Variants in EXOC6B observed in about 807,000 individuals in gnomAD.
EXOC6B encodes the protein SEC15 homolog B.
In EXOC6B, 54 loss-of-function variants were observed where a neutral mutation model predicts 113.5. That is an observed-to-expected ratio of 0.48 (90% confidence interval 0.38 to 0.60). The LOEUF (loss-of-function observed/expected upper bound fraction) is 0.60, where lower values mean the gene tolerates loss of function less well. Among genes scored for constraint, EXOC6B ranks in the 20% least tolerant of loss-of-function variants. EXOC6B has a pLI of 0.00. For synonymous variants in EXOC6B, 357 were observed against 339.0 expected (o/e 1.05, Z -0.58); for missense variants, 797 against 977.5 (o/e 0.82, Z 2.46).
At position 72,250,724 on chromosome 2, in the gene EXOC6B, T is replaced by G. The variant is rs539480828; in HGVS notation, c.2197-66537A>C. Among the ~76,000 whole-genome samples, 7 of 152,338 alleles carry G rather than the reference T, an allele frequency of 4.6e-5. No individual in the cohort carries two copies. In the South Asian group the frequency reaches 1.4e-3, roughly 32 times the overall value. ...TGATTTGAAATCTATTATGATTTTT[T>G]GGAAAATTTACAGTTCCTCTTACTC... On this transcript the variant is annotated intron_variant, in intron 20 of 21. Transcript: ENST00000272427.
At chr2:72,359,005 G>A (rs1015904151) in intron 19 of EXOC6B, among the ~76,000 whole-genome samples, 4 of 152,002 alleles carry the variant, frequency 2.6e-5, no homozygotes, top group South Asian at 2.1e-4. Context: ...ACCATATGGC[G>A]GGCACTATGC....
At chr2:72,770,386 A>C (rs1335802564) in intron 1 of EXOC6B, among the ~76,000 whole-genome samples, 1 of 152,222 alleles carries the variant, frequency 6.6e-6, no homozygotes, top group Non-Finnish European at 1.5e-5. Context: ...CCTTGTAGCA[A>C]AATGTTTCAT....
chr2:72,507,250 C>T (rs941868902), intron 11 of EXOC6B, among the ~76,000 whole-genome samples: 1 of 151,990 alleles, frequency 6.6e-6, no homozygotes. Flanking sequence ...ATTTTGTTTG[C>T]TGGGTACTAC....
intron 7 of EXOC6B, among the ~76,000 whole-genome samples, chr2:72,564,508 T>C (rs1048421587): frequency 3.9e-5 from 6 of 152,208 alleles, no homozygotes; most frequent in African/African-American, 1.4e-4. Context: ...CCAGGCATTT[T>C]TCTGCAAAGA....
intron 6 of EXOC6B, among the ~76,000 whole-genome samples, chr2:72,678,849 C>G (rs1314461049): frequency 6.6e-6 from 1 of 152,128 alleles, no homozygotes; most frequent in South Asian, 2.1e-4. Context: ...AATACGTGCA[C>G]CTAATTAAAA....
At chr2:72,199,449 T>C (rs1418971473) in intron 20 of EXOC6B, among the ~76,000 whole-genome samples, 8 of 152,212 alleles carry the variant, frequency 5.3e-5, no homozygotes, top group Non-Finnish European at 7.3e-5. Context: ...TTAATTTTTC[T>C]CTTTGTCTTT....
At chr2:72,288,893 A>G (rs1198016926) in intron 20 of EXOC6B, 2 of 221,290 alleles carry the variant, frequency 9.0e-6, no homozygotes, top group East Asian at 2.5e-4. Flanking sequence ...ATCATTGAAA[A>G]TCACAGAGCT....
chr2:72,598,723 A>G (rs2103983236), intron 6 of EXOC6B, among the ~76,000 whole-genome samples: 1 of 152,208 alleles, frequency 6.6e-6, no homozygotes, highest in South Asian at 2.1e-4. Context: ...GACTATCACT[A>G]CTAATCCCAT....
intron 8 of EXOC6B, among the ~76,000 whole-genome samples, chr2:72,544,665 G>C (rs550926766): frequency 6.6e-6 from 1 of 152,112 alleles, no homozygotes; most frequent in Non-Finnish European, 1.5e-5. Context: ...ATTTGAAAGA[G>C]AGGGTGCCCT....
chr2:72,771,451 T>C (rs1016596683), intron 1 of EXOC6B, among the ~76,000 whole-genome samples: 1 of 152,192 alleles, frequency 6.6e-6, no homozygotes, highest in Admixed American at 6.5e-5. Context: ...ATAATGATAG[T>C]ACCATTATGA....
intron 6 of EXOC6B, among the ~76,000 whole-genome samples, chr2:72,683,429 G>A (rs1676857324): frequency 6.6e-6 from 1 of 152,036 alleles, no homozygotes; most frequent in Non-Finnish European, 1.5e-5. Context: ...ATGTCTAAGG[G>A]GTGAATGGAA....
intron 8 of EXOC6B, among the ~76,000 whole-genome samples, chr2:72,535,476 T>C (rs1204634266): frequency 6.6e-6 from 1 of 152,192 alleles, no homozygotes; most frequent in Non-Finnish European, 1.5e-5. Flanking sequence ...ATTGGTTCTC[T>C]AAAATGGGTA....
At chr2:72,255,660 T>G (rs1009358063) in intron 20 of EXOC6B, among the ~76,000 whole-genome samples, 2 of 152,208 alleles carry the variant, frequency 1.3e-5, no homozygotes, top group African/African-American at 4.8e-5. Flanking sequence ...TCTAAGTTCA[T>G]AGTTCCACAG....
intron 7 of EXOC6B, among the ~76,000 whole-genome samples, chr2:72,563,749 CT>C (rs1463700321): frequency 1.3e-5 from 2 of 152,040 alleles, no homozygotes; most frequent in Non-Finnish European, 2.9e-5. Context: ...TTTAGGATAT[CT>C]TTTTCTTCTT....
chr2:72,443,074 C>A lies in EXOC6B; in HGVS notation c.1980+22086G>T, dbSNP rs558890807. ...GGGCGCGGTGCCTCACGCCTGTAAT[C>A]CCAGCACTTTGGGAGGCTGAGGTGG... On this transcript the variant is annotated intron_variant, in intron 18 of 21. Transcript: ENST00000272427. Among the ~76,000 whole-genome samples the A allele has an allele frequency of 4.6e-5, 7 of 152,130 alleles. No homozygotes were observed. In the South Asian group the frequency reaches 1.2e-3, roughly 27 times the overall value.
intron 6 of EXOC6B, among the ~76,000 whole-genome samples, chr2:72,664,082 A>G (rs1036761275): frequency 6.6e-6 from 1 of 152,160 alleles, no homozygotes; most frequent in African/African-American, 2.4e-5. Flanking sequence ...ACGAGGCAGG[A>G]AGATGGTTTG....
chr2:72,550,922 T>TTA (rs1553440510), intron 8 of EXOC6B, among the ~76,000 whole-genome samples: 6 of 147,798 alleles, frequency 4.1e-5, no homozygotes, highest in African/African-American at 1.5e-4. Flanking sequence ...TTTTTTTATT[T>TTA]TTTTTTTTTT....
At chr2:72,224,817 T>TGTGCGC (rs1553468172) in intron 20 of EXOC6B, among the ~76,000 whole-genome samples, 4 of 146,630 alleles carry the variant, frequency 2.7e-5, no homozygotes, top group Non-Finnish European at 4.6e-5. Context: ...TGTGTGTGTG[T>TGTGCGC]GTGCGTGTGT....
intron 6 of EXOC6B, among the ~76,000 whole-genome samples, chr2:72,647,960 C>A (rs186354890): frequency 6.6e-6 from 1 of 152,014 alleles, no homozygotes; most frequent in Admixed American, 6.6e-5. Context: ...AGCTTCTGCA[C>A]GGCAAAAGAA....
Sources: allele counts gnomAD v4.1 joint callset (sites outside exome capture counted in the v4.1 genomes callset), GRCh38; gene constraint gnomAD v4.1.1; transcripts MANE v1.5; gene names NCBI Gene and HGNC (gene_info 2026-07-23, HGNC 2026-07-21).